ZFR: variants seen among roughly 807,000 people sequenced by gnomAD.
ZFR encodes zinc finger RNA binding protein.
Under a neutral mutation model 130.7 loss-of-function variants are expected in ZFR, and 19 were observed. The observed-to-expected ratio is 0.15, with a 90% CI of 0.10 to 0.21. The LOEUF (loss-of-function observed/expected upper bound fraction) is 0.21, where lower values mean the gene tolerates loss of function less well. Among genes scored for constraint, ZFR ranks in the 10% least tolerant of loss-of-function variants. ZFR has a pLI of 1.00. For missense variants in ZFR, 872 were observed against 1,321.5 expected (o/e 0.66, Z 5.27); for synonymous variants, 466 against 456.9 (o/e 1.02, Z -0.25).
chr5:32,376,710 TAC>T (rs1314666064), intron 17 of ZFR, among the ~76,000 whole-genome samples: 2 of 150,008 alleles, frequency 1.3e-5, no homozygotes, highest in Non-Finnish European at 3.0e-5. Context: ...TAATGCCAGG[TAC>T]AGTGGGGCTC....
intron 17 of ZFR, among the ~76,000 whole-genome samples, chr5:32,375,846 AG>A (rs1752792986): frequency 6.7e-6 from 1 of 148,940 alleles, no homozygotes; most frequent in South Asian, 2.1e-4. Flanking sequence ...TTTTTAAATT[AG>A]TTTTTTTTTT....
At chr5:32,376,668 G>A (rs1752818467) in intron 17 of ZFR, among the ~76,000 whole-genome samples, 1 of 150,304 alleles carries the variant, frequency 6.7e-6, no homozygotes, top group Non-Finnish European at 1.5e-5. Flanking sequence ...ACAAAATCCA[G>A]AAATGATAAA....
intron 2 of ZFR, 109 bp downstream of exon 2, chr5:32,444,120 G>C: frequency 1.6e-6 from 2 of 1,256,050 alleles, no homozygotes; most frequent in South Asian, 1.5e-5. Flanking sequence ...GGCCTGCAGC[G>C]GGCCGGGGCT....
intron 15 of ZFR, 101 bp from the exon 16 acceptor site, chr5:32,380,273 G>A (rs1752905503): frequency 4.0e-6 from 3 of 744,066 alleles, no homozygotes; most frequent in Middle Eastern, 2.4e-4. Context: ...TGAGCCATTT[G>A]AGAGCTTGTT....
intron 2 of ZFR, among the ~76,000 whole-genome samples, chr5:32,439,331 T>C (rs1754409487): frequency 6.6e-6 from 1 of 152,238 alleles, no homozygotes; most frequent in Admixed American, 6.5e-5. Flanking sequence ...TTAATCCTTT[T>C]CTACCTTACT....
chr5:32,435,777 A>G (rs537973589), intron 2 of ZFR, among the ~76,000 whole-genome samples: 1 of 152,294 alleles, frequency 6.6e-6, no homozygotes. Flanking sequence ...GAATTCAAAA[A>G]ATTTATTTTC....
chr5:32,366,089 C>T (rs1038133426), intron 17 of ZFR, among the ~76,000 whole-genome samples: 2 of 152,070 alleles, frequency 1.3e-5, no homozygotes, highest in Non-Finnish European at 2.9e-5. Flanking sequence ...AACCCACTTG[C>T]CTAGTACAAG....
At chr5:32,439,533 T>A (rs11742029) in intron 2 of ZFR, among the ~76,000 whole-genome samples, 26,075 of 152,154 alleles carry the variant, frequency 0.17, 3,088 homozygotes, top group African/African-American at 0.33. Flanking sequence ...AATCATTAGA[T>A]GAGATGCCTT....
At chr5:32,369,485 TAAAACAAAACAAAAC>T (rs70961625) in intron 17 of ZFR, among the ~76,000 whole-genome samples, 8 of 150,720 alleles carry the variant, frequency 5.3e-5, no homozygotes, top group Admixed American at 2.0e-4. Context: ...TATCATTCTT[TAAAACAAAACAAAAC>T]AAAACAAAAC....
At chr5:32,389,109 T>C (rs1753103796) in intron 12 of ZFR, among the ~76,000 whole-genome samples, 1 of 152,228 alleles carries the variant, frequency 6.6e-6, no homozygotes, top group African/African-American at 2.4e-5. Context: ...AATCTTGTTT[T>C]TGGTAGACTG....
Position 32,419,905 on chromosome 5 carries a change from T to C in ZFR, c.336A>G (p.Ala112=). The stretch of plus-strand genomic sequence containing the variant: ...TATAACCATAGTCAGTTGCTGTGTG[T>C]GCAGTGGGGTAGCCTCCATAAGCAG... ...TAAAYGGYPT[A]HTATDYGYTQ... The change falls in exon 3 of 20, where the codon GCA becomes GCG. Residue 112 remains alanine (A), a synonymous_variant. Coordinates refer to ENST00000265069, the MANE Select transcript of ZFR (RefSeq NM_016107.5). 1 of 1,614,008 alleles carries C rather than the reference T, an allele frequency of 6.2e-7. No individual in the cohort carries two copies. The highest frequency in any genetic ancestry group is 8.5e-7 in the Non-Finnish European group (1 of 1,179,946).
At chr5:32,409,544 T>TA (rs1157647194) in intron 5 of ZFR, among the ~76,000 whole-genome samples, 1 of 152,020 alleles carries the variant, frequency 6.6e-6, no homozygotes, top group African/African-American at 2.4e-5. Flanking sequence ...TAGCTGGGAT[T>TA]ACAGGCGTGT....
chr5:32,423,337 A>T (rs989852118), intron 2 of ZFR, among the ~76,000 whole-genome samples: 18 of 152,004 alleles, frequency 1.2e-4, no homozygotes, highest in East Asian at 3.9e-4. Context: ...CTCAAAAAAA[A>T]TTTTTTTTAA....
chr5:32,397,913 A>G (rs1194412553), intron 9 of ZFR, among the ~76,000 whole-genome samples: 1 of 114,806 alleles, frequency 8.7e-6, no homozygotes, highest in South Asian at 3.0e-4. Flanking sequence ...GCTGGAGTGC[A>G]GTGGTGCGAT....
intron 2 of ZFR, among the ~76,000 whole-genome samples, chr5:32,438,184 G>C (rs1754382104): frequency 6.7e-6 from 1 of 148,940 alleles, no homozygotes; most frequent in Admixed American, 6.8e-5. Context: ...ACATAAACAG[G>C]ACTTATTTGA....
rs561114020 is a variant in ZFR, at chr5:32,435,327, CT to C, written c.137+8901del. Among the ~76,000 whole-genome samples the C allele has an allele frequency of 5.7e-4, 87 of 152,150 alleles. 1 individual carries two copies. The highest frequency in any genetic ancestry group is 7.2e-4 in the Non-Finnish European group (49 of 68,018). On this transcript the variant is annotated intron_variant, in intron 2 of 19. Coordinates refer to ENST00000265069, the MANE Select transcript of ZFR (RefSeq NM_016107.5). ...TGAGTGAGATGGGAAAAAAGCTAAC[CT>C]TCTGTCAATTCAGTTTTTACTGTCA... is the stretch of plus-strand genomic sequence containing the variant.
At chr5:32,402,374 G>A (rs1394901824) in intron 8 of ZFR, among the ~76,000 whole-genome samples, 1 of 152,140 alleles carries the variant, frequency 6.6e-6, no homozygotes, top group East Asian at 1.9e-4. Context: ...CACTGGATTG[G>A]CAATTAGGTC....
rs911461966 is a variant in ZFR at position 32,415,731 on chromosome 5, A to G, written c.566-544T>C. ...GTACTACATAATTTTTCAAATGTCA[A>G]TAACTTGAATGCAGCTATTCTTAAA... On this transcript the variant is annotated intron_variant, in intron 4 of 19. Transcript: ENST00000265069. Among the ~76,000 whole-genome samples the G allele has an allele frequency of 5.3e-5, 8 of 152,190 alleles. No homozygotes were observed. In the East Asian group the frequency reaches 9.6e-4, roughly 18 times the overall value.
At position 32,403,241 on chromosome 5, in the gene ZFR, C is replaced by A. The variant is rs4867440; in HGVS notation, c.1381G>T (p.Val461Phe). 1.4e-5 allele frequency: 23 copies of A among 1,614,218 alleles called. No homozygotes were observed. In the African/African-American group the frequency reaches 2.9e-4, roughly 21 times the overall value. Residue 461 changes from valine to phenylalanine, a missense_variant, in exon 8 of 20, where the codon GTT (valine) becomes TTT (phenylalanine). By Grantham distance (50) the Val-to-Phe change is conservative. Coordinates refer to ENST00000265069, the MANE Select transcript of ZFR (RefSeq NM_016107.5). ...AGACCCTTCATTGAAGACGTTGCAA[C>A]TGATGACGTATTCACAGTACAATTG... ...ANNCTVNTSS[V>F]ATSSMKGLTT...
Sources: allele counts gnomAD v4.1 joint callset (sites outside exome capture counted in the v4.1 genomes callset), GRCh38; gene constraint gnomAD v4.1.1; transcripts MANE v1.5; gene names NCBI Gene and HGNC (gene_info 2026-07-23, HGNC 2026-07-21).